Variants in SLC25A27 observed in about 807,000 individuals in gnomAD.
SLC25A27 encodes the protein solute carrier family 25 member 27.
A neutral mutation model predicts 49.1 loss-of-function variants in SLC25A27; 35 were observed. The observed-to-expected ratio is 0.71, with a 90% CI of 0.54 to 0.95. SLC25A27 has a LOEUF of 0.95. Ranked by LOEUF, SLC25A27 falls within the 40% of genes least tolerant of loss-of-function variation. The probability of loss-of-function intolerance (pLI) is 0.00; values close to 1 mark genes in which losing one functional copy is unlikely to be tolerated. For synonymous variants in SLC25A27, 144 were observed against 136.9 expected, an observed-to-expected ratio of 1.05 and a Z score of -0.36; for missense variants, 339 against 397.1, an observed-to-expected ratio of 0.85 and a Z score of 1.24.
chr6:46,671,100 T>C, intron 7 of SLC25A27, 26 bp from the exon 8 acceptor site: 1 of 1,436,788 alleles, frequency 7.0e-7, no homozygotes, highest in Non-Finnish European at 9.6e-7. Flanking sequence ...CAGAAAAAAA[T>C]TAAAAGGATC....
At chr6:46,657,438 G>A (rs556743678) in intron 2 of SLC25A27, among the ~76,000 whole-genome samples, 1 of 152,176 alleles carries the variant, frequency 6.6e-6, no homozygotes, top group South Asian at 2.1e-4. Context: ...ACTCCAACCT[G>A]GGTGACAAGA....
intron 5 of SLC25A27, 94 bp from the exon 6 acceptor site, chr6:46,668,615 C>A: frequency 2.7e-6 from 2 of 727,338 alleles, no homozygotes; most frequent in Non-Finnish European, 5.0e-6. Context: ...TAGCTTTCAT[C>A]CTGGTACACA....
At chr6:46,661,372 T>A (rs1002251252) in intron 3 of SLC25A27, among the ~76,000 whole-genome samples, 2 of 152,142 alleles carry the variant, frequency 1.3e-5, no homozygotes, top group African/African-American at 2.4e-5. Context: ...ATGTTCAAAT[T>A]TCTTAAAGTT....
chr6:46,658,959 C>T lies in SLC25A27; in HGVS notation c.299-3C>T. The T allele has an allele frequency of 1.9e-6, 3 of 1,607,586 alleles. No individual in the cohort carries two copies. Among genetic ancestry groups the T allele is most frequent in the South Asian group, 2.2e-5 (2 of 90,944 alleles). On this transcript the variant is annotated splice_polypyrimidine_tract_variant and splice_region_variant and intron_variant, in intron 2 of 8. Coordinates refer to ENST00000371347, the MANE Select transcript of SLC25A27 (RefSeq NM_004277.5). ...TACCTTTTTAATGATCTTTTTTACC[C>T]AGTGTATTCTGGAGGTCGAATGGTC...
intron 8 of SLC25A27, 121 bp downstream of exon 8, chr6:46,671,349 T>G (rs540119053): frequency 3.7e-4 from 187 of 506,020 alleles, no homozygotes; most frequent in Admixed American, 1.0e-3. Context: ...ATCAAGGTCC[T>G]TTCTTTCTTT....
chr6:46,676,881 A>C lies in SLC25A27; in HGVS notation c.*427A>C, dbSNP rs535333203. On this transcript the variant is annotated 3_prime_UTR_variant, in exon 9 of 9. Transcript: ENST00000371347. ...TACATAGTGCTTAAGAAATACATTTAACCTGTTATGTCAGTATTTATCAAT... is the reference window on the plus strand; with the variant it reads ...TACATAGTGCTTAAGAAATACATTTCACCTGTTATGTCAGTATTTATCAAT... The C allele has an allele frequency of 1.0e-5, 6 of 577,644 alleles. No homozygotes were observed. The Admixed American group carries it at 1.2e-4, about 12-fold the overall frequency. 35.8% of individuals were successfully genotyped at this position (577,644 alleles called of 1,614,324 possible). A position where few individuals can be genotyped will look rare whatever the true frequency, so the allele number is the denominator to read the frequency against.
chr6:46,668,424 A>C (rs1372198228), intron 5 of SLC25A27, among the ~76,000 whole-genome samples: 1 of 152,196 alleles, frequency 6.6e-6, no homozygotes, highest in African/African-American at 2.4e-5. Context: ...TGATCAAATT[A>C]CTTTTTTGGC....
rs766864007 is a variant in SLC25A27 at position 46,658,958 on chromosome 6, C to T, written c.299-4C>T. The T allele has an allele frequency of 9.3e-6, 15 of 1,606,534 alleles. No homozygotes were observed. The highest frequency in any genetic ancestry group is 1.3e-5 in the Non-Finnish European group (15 of 1,173,362). ...TTACCTTTTTAATGATCTTTTTTAC[C>T]CAGTGTATTCTGGAGGTCGAATGGT... On this transcript the variant is annotated splice_polypyrimidine_tract_variant and splice_region_variant and intron_variant, in intron 2 of 8. Coordinates refer to ENST00000371347, the MANE Select transcript of SLC25A27 (RefSeq NM_004277.5).
intron 3 of SLC25A27, among the ~76,000 whole-genome samples, chr6:46,661,846 A>G (rs1763174478): frequency 6.6e-6 from 1 of 152,228 alleles, no homozygotes; most frequent in Non-Finnish European, 1.5e-5. Flanking sequence ...CTGGCAAGGG[A>G]TATAATAAAA....
At chr6:46,657,705 T>C (rs1478532783) in intron 2 of SLC25A27, among the ~76,000 whole-genome samples, 1 of 152,212 alleles carries the variant, frequency 6.6e-6, no homozygotes, top group Non-Finnish European at 1.5e-5. Context: ...TTTTTCATAT[T>C]TTTTGAAAAT....
Position 46,671,710 on chromosome 6 carries a change from G to T in SLC25A27, c.900+482G>T, listed in dbSNP as rs145776166. Reference sequence around the variant, plus strand: ...TATTATGTCATTTTTATTTGGTTTAGATGTTATTTTTCATTGCAGTGAATT... The same window carrying T: ...TATTATGTCATTTTTATTTGGTTTATATGTTATTTTTCATTGCAGTGAATT... On this transcript the variant is annotated intron_variant, in intron 8 of 8. Coordinates refer to ENST00000371347, the MANE Select transcript of SLC25A27 (RefSeq NM_004277.5). 3.9e-5 allele frequency among the ~76,000 whole-genome samples: 6 copies of T among 151,988 alleles called. No individual in the cohort carries two copies. In the East Asian group the frequency reaches 1.2e-3, roughly 29 times the overall value.
intron 3 of SLC25A27, among the ~76,000 whole-genome samples, chr6:46,659,679 C>T (rs578118177): frequency 4.0e-4 from 61 of 152,028 alleles, no homozygotes; most frequent in East Asian, 9.7e-4. Flanking sequence ...CATGGCAAAA[C>T]GCTGTCTCTA....
chr6:46,654,019 TA>T (rs1762877005), intron 1 of SLC25A27: 2 of 751,390 alleles, frequency 2.7e-6, no homozygotes, highest in Non-Finnish European at 3.2e-6. Context: ...TTAGGTGTCA[TA>T]AAAGCATAGA....
At chr6:46,662,304 G>A (rs1025329678) in intron 3 of SLC25A27, 72 bp from the exon 4 acceptor site, 1 of 1,356,328 alleles carries the variant, frequency 7.4e-7, no homozygotes, top group African/African-American at 1.4e-5. Flanking sequence ...CCCTGTACCA[G>A]CTCAGTATTG....
chr6:46,660,967 A>G (rs1334749370), intron 3 of SLC25A27, among the ~76,000 whole-genome samples: 2 of 152,206 alleles, frequency 1.3e-5, no homozygotes, highest in African/African-American at 4.8e-5. Context: ...TGACCCAATC[A>G]GAACAATTCA....
chr6:46,674,261 C>G (rs1763675121), intron 8 of SLC25A27, among the ~76,000 whole-genome samples: 1 of 152,028 alleles, frequency 6.6e-6, no homozygotes, highest in Non-Finnish European at 1.5e-5. Flanking sequence ...GTATAAGAAC[C>G]TAGCAAAACA....
rs773260069 is a variant in SLC25A27, at chr6:46,670,232, A to G, written c.797+5A>G. The G allele has an allele frequency of 1.9e-5, 31 of 1,594,988 alleles. No individual in the cohort carries two copies. Among genetic ancestry groups the G allele is most frequent in the Non-Finnish European group, 2.6e-5 (30 of 1,163,806 alleles). On this transcript the variant is annotated splice_donor_5th_base_variant and intron_variant, in intron 7 of 8. Coordinates refer to ENST00000371347, the MANE Select transcript of SLC25A27 (RefSeq NM_004277.5). ...ACCACGAGATAAACAAGGAAGGTAG[A>G]TAAAAAGTCTTCAGTATCCATGTGC...
At chr6:46,653,949 G>A in intron 1 of SLC25A27, 1 of 769,212 alleles carries the variant, frequency 1.3e-6, no homozygotes, top group East Asian at 1.3e-4. Flanking sequence ...CTTCTTACAG[G>A]CTGCTGGGGA....
chr6:46,654,288 A>AT (rs1439010034), intron 1 of SLC25A27, among the ~76,000 whole-genome samples: 7 of 152,140 alleles, frequency 4.6e-5, no homozygotes, highest in African/African-American at 1.7e-4. Flanking sequence ...TTAAGAGTTT[A>AT]TTTTTTAATT....
Sources: gnomAD v4.1 joint callset for allele counts (sites outside exome capture counted in the v4.1 genomes callset) on GRCh38, gnomAD v4.1.1 for gene constraint, MANE v1.5 for transcripts, NCBI Gene and HGNC (gene_info 2026-07-23, HGNC 2026-07-21) for gene names.